The following NCKAP1 variants were observed in gnomAD, a reference collection of about 807,000 sequenced individuals.
NCKAP1 encodes NCK associated protein 1.
Under a neutral mutation model 151.2 loss-of-function variants are expected in NCKAP1, and 21 were observed. The observed-to-expected ratio is 0.14, with a 90% CI of 0.10 to 0.20. The LOEUF is 0.20. Ranked by LOEUF, NCKAP1 falls within the 10% of genes least tolerant of loss-of-function variation. The pLI is 1.00. For synonymous variants in NCKAP1, 484 were observed against 451.8 expected (o/e 1.07, Z -0.90); for missense variants, 933 against 1,352.1 (o/e 0.69, Z 4.86).
intron 15 of NCKAP1, among the ~76,000 whole-genome samples, chr2:182,971,854 AT>A (rs1447721155): frequency 6.6e-6 from 1 of 152,212 alleles, no homozygotes; most frequent in Non-Finnish European, 1.5e-5. Flanking sequence ...AAAACTGGAT[AT>A]CCACATGTAA....
At chr2:182,926,201 G>A (rs904465416) in intron 30 of NCKAP1, among the ~76,000 whole-genome samples, 7 of 151,764 alleles carry the variant, frequency 4.6e-5, no homozygotes, top group East Asian at 1.9e-4. Context: ...ACATAAGACC[G>A]ACTATAATGA....
intron 12 of NCKAP1, among the ~76,000 whole-genome samples, chr2:182,982,176 T>C (rs1350197167): frequency 6.6e-6 from 1 of 152,078 alleles, no homozygotes; most frequent in Admixed American, 6.5e-5. Context: ...ATGAATTCCA[T>C]AAGAAATATT....
At chr2:183,017,835 G>A (rs991702320) in intron 2 of NCKAP1, among the ~76,000 whole-genome samples, 5 of 152,158 alleles carry the variant, frequency 3.3e-5, no homozygotes, top group Non-Finnish European at 5.9e-5. Context: ...AGTCAAAGAG[G>A]TAAATGTTAA....
chr2:183,028,835 T>C (rs1387877246), intron 1 of NCKAP1, among the ~76,000 whole-genome samples: 1 of 152,052 alleles, frequency 6.6e-6, no homozygotes, highest in African/African-American at 2.4e-5. Flanking sequence ...AATTCTAGGC[T>C]GGGCTCAGTG....
intron 16 of NCKAP1, among the ~76,000 whole-genome samples, chr2:182,966,485 C>G (rs1160566688): frequency 6.6e-6 from 1 of 152,184 alleles, no homozygotes; most frequent in African/African-American, 2.4e-5. Context: ...TGGGGTTTCA[C>G]TATGTTGACC....
intron 6 of NCKAP1, among the ~76,000 whole-genome samples, chr2:182,999,860 G>A (rs1698344823): frequency 6.6e-6 from 1 of 152,176 alleles, no homozygotes; most frequent in African/African-American, 2.4e-5. Flanking sequence ...CAGCAACATG[G>A]ATGGAACTGG....
At chr2:182,996,449 C>A (rs1297942281) in intron 6 of NCKAP1, among the ~76,000 whole-genome samples, 1 of 152,048 alleles carries the variant, frequency 6.6e-6, no homozygotes, top group Non-Finnish European at 1.5e-5. Context: ...CCTAAAAATT[C>A]TGTAAAGAGT....
chr2:182,923,591 T>C lies in NCKAP1; in HGVS notation c.*2111A>G, dbSNP rs1392622880. ...GGCCATGAAATTGTTAAATTAGTTA[T>C]GGTATCTATAAAGGTATTAAAAAGA... On this transcript the variant is annotated 3_prime_UTR_variant, in exon 31 of 31. Coordinates refer to ENST00000361354, the MANE Select transcript of NCKAP1 (RefSeq NM_013436.5). The C allele has an allele frequency of 6.6e-6, 1 of 152,196 alleles. No homozygotes were observed. Among genetic ancestry groups the C allele is most frequent in the Non-Finnish European group, 1.5e-5 (1 of 68,032 alleles). 9.4% of individuals were successfully genotyped at this position (152,196 alleles called of 1,614,324 possible).
intron 15 of NCKAP1, among the ~76,000 whole-genome samples, chr2:182,974,868 T>TA (rs1460923309): frequency 6.6e-6 from 1 of 151,502 alleles, no homozygotes. Context: ...ATAAAAATCT[T>TA]AAAAAACTTT....
chr2:182,939,692 T>G (rs1303257906), intron 24 of NCKAP1, among the ~76,000 whole-genome samples: 3 of 152,092 alleles, frequency 2.0e-5, no homozygotes, highest in Non-Finnish European at 4.4e-5. Context: ...CATTGACTTC[T>G]GGATATGGAC....
rs1329009090 is a variant in NCKAP1, at chr2:182,952,324, T to C, written c.2601+81A>G. On this transcript the variant is annotated intron_variant, in intron 23 of 30. Coordinates refer to ENST00000361354, the MANE Select transcript of NCKAP1 (RefSeq NM_013436.5). ...TCATGTTGGATTAAAATAATTAACATTGTAGGCTTGTTGCTCATATCCCTG... is the reference window on the plus strand; with the variant it reads ...TCATGTTGGATTAAAATAATTAACACTGTAGGCTTGTTGCTCATATCCCTG... 2.1e-5 allele frequency: 18 copies of C among 850,914 alleles called. No homozygotes were observed. In the Admixed American group the frequency reaches 2.4e-4, roughly 12 times the overall value. The allele number at this position is 850,914 out of a possible 1,614,324, so 52.7% of individuals were successfully genotyped here.
intron 1 of NCKAP1, 62 bp downstream of exon 1, chr2:183,037,930 C>T: frequency 7.3e-7 from 1 of 1,363,800 alleles, no homozygotes; most frequent in Admixed American, 2.3e-5. Flanking sequence ...CACGGCCTCC[C>T]TTGCCCTTCA....
At chr2:182,952,949 C>T (rs771657220) in intron 21 of NCKAP1, 26 bp from the exon 22 acceptor site, 15 of 1,593,318 alleles carry the variant, frequency 9.4e-6, no homozygotes, top group South Asian at 5.7e-5. Flanking sequence ...AACTTATAAC[C>T]GGAAGAAACT....
chr2:182,982,443 C>A (rs1191944023), intron 12 of NCKAP1, among the ~76,000 whole-genome samples: 1 of 149,228 alleles, frequency 6.7e-6, no homozygotes, highest in African/African-American at 2.5e-5. Flanking sequence ...TACAATGGTG[C>A]AGAAGAGATA....
In NCKAP1 at chr2:182,914,279, AT is replaced by A. The variant is rs1432671390; in HGVS notation, c.*11422del. On this transcript the variant is annotated 3_prime_UTR_variant, in exon 31 of 31. Coordinates refer to ENST00000361354, the MANE Select transcript of NCKAP1 (RefSeq NM_013436.5). ...CTATATTCATTGAACTGATGTTAGG[AT>A]ATGACATAATATATTATTTCTAACT... 4 of 152,214 alleles carry A rather than the reference AT, an allele frequency of 2.6e-5. No individual in the cohort carries two copies. Among genetic ancestry groups the A allele is most frequent in the African/African-American group, 9.6e-5 (4 of 41,458 alleles). The allele number at this position is 152,214 out of a possible 1,614,324, so 9.4% of individuals were successfully genotyped here. A position where few individuals can be genotyped will look rare whatever the true frequency, so the allele number is the denominator to read the frequency against.
At chr2:182,989,601 C>T (rs1395554839) in intron 8 of NCKAP1, among the ~76,000 whole-genome samples, 1 of 152,128 alleles carries the variant, frequency 6.6e-6, no homozygotes, top group Non-Finnish European at 1.5e-5. Flanking sequence ...AATCCCAGCA[C>T]TGCGGGAGGT....
At chr2:182,994,355 T>C (rs938714431) in intron 8 of NCKAP1, among the ~76,000 whole-genome samples, 2 of 151,986 alleles carry the variant, frequency 1.3e-5, no homozygotes, top group Non-Finnish European at 2.9e-5. Flanking sequence ...ATAGACTACC[T>C]GGCCGGGTGC....
At chr2:182,956,203 G>A (rs1371592785) in intron 20 of NCKAP1, among the ~76,000 whole-genome samples, 12 of 152,104 alleles carry the variant, frequency 7.9e-5, no homozygotes, top group Admixed American at 7.9e-4. Flanking sequence ...ACCACGCCCA[G>A]CTAATTTTTT....
intron 10 of NCKAP1, 104 bp downstream of exon 10, chr2:182,986,067 A>G: frequency 9.8e-7 from 1 of 1,019,314 alleles, no homozygotes; most frequent in Non-Finnish European, 1.5e-6. Context: ...CCCCTCTTCT[A>G]CTACCATATC....
Sources: gnomAD v4.1 joint callset for allele counts (sites outside exome capture counted in the v4.1 genomes callset) on GRCh38, gnomAD v4.1.1 for gene constraint, MANE v1.5 for transcripts, NCBI Gene and HGNC (gene_info 2026-07-23, HGNC 2026-07-21) for gene names.